Variants in SLC41A3 observed in about 807,000 individuals in gnomAD.
SLC41A3 encodes solute carrier family 41 member 3.
Under a neutral mutation model 45.4 loss-of-function variants are expected in SLC41A3, and 44 were observed. The observed-to-expected ratio is 0.97, with a 90% CI of 0.76 to 1.25. The LOEUF (loss-of-function observed/expected upper bound fraction) is 1.25, where lower values mean the gene tolerates loss of function less well. SLC41A3 is among the 50% of genes most tolerant of loss of function. The probability of loss-of-function intolerance (pLI) is 0.00; values close to 1 mark genes in which losing one functional copy is unlikely to be tolerated. For missense variants in SLC41A3, 550 were observed against 600.6 expected (o/e 0.92, Z 0.88); for synonymous variants, 256 against 252.4 (o/e 1.01, Z -0.13).
At chr3:126,023,512 C>G (rs67575510) in intron 5 of SLC41A3, 26,463 of 153,240 alleles carry the variant, frequency 0.17, 2,423 homozygotes, top group Middle Eastern at 0.27. Flanking sequence ...ACATCTAAGA[C>G]TGCACTGCAT....
chr3:126,056,322 C>G, intron 2 of SLC41A3: 1 of 1,601,606 alleles, frequency 6.2e-7, no homozygotes, highest in Non-Finnish European at 8.5e-7. Flanking sequence ...GTCTGTGTGT[C>G]TCCCACCCCT....
intron 4 of SLC41A3, among the ~76,000 whole-genome samples, chr3:126,029,993 A>G (rs1941673722): frequency 6.9e-6 from 1 of 144,836 alleles, no homozygotes; most frequent in African/African-American, 2.5e-5. Context: ...GAAAAACTGG[A>G]TATCTAGGTT....
chr3:126,033,848 C>T (rs532750014), intron 3 of SLC41A3, among the ~76,000 whole-genome samples, 170 bp from the exon 4 acceptor site: 3 of 152,034 alleles, frequency 2.0e-5, no homozygotes, highest in East Asian at 3.9e-4. Flanking sequence ...CCTTCTTATA[C>T]GGGGAGTGGG....
At chr3:126,086,423 T>G (rs1398944335), upstream of SLC41A3, among the ~76,000 whole-genome samples, 16 of 146,268 alleles carry the variant, frequency 1.1e-4, no homozygotes, top group Admixed American at 2.0e-4. Flanking sequence ...TTTTTTTTTT[T>G]TTTTTTTTTT....
At chr3:126,050,794 C>A (rs1943276383) in intron 3 of SLC41A3, 149 bp downstream of exon 3, 16 of 1,339,874 alleles carry the variant, frequency 1.2e-5, no homozygotes, top group Non-Finnish European at 1.5e-5. Flanking sequence ...GGGAGAGGGA[C>A]AAGGGACAGC....
intron 1 of SLC41A3, among the ~76,000 whole-genome samples, chr3:126,075,656 G>A (rs946500673): frequency 6.6e-6 from 1 of 152,182 alleles, no homozygotes; most frequent in Admixed American, 6.5e-5. Flanking sequence ...GAACAGAACT[G>A]AGAGTCTATA....
intron 4 of SLC41A3, among the ~76,000 whole-genome samples, chr3:126,028,020 C>T (rs541651819): frequency 6.6e-6 from 1 of 152,268 alleles, no homozygotes; most frequent in East Asian, 1.9e-4. Context: ...TGATGCAAAA[C>T]TGGAACTTAT....
At chr3:126,047,918 T>C (rs1322164472) in intron 3 of SLC41A3, among the ~76,000 whole-genome samples, 1 of 152,154 alleles carries the variant, frequency 6.6e-6, no homozygotes, top group African/African-American at 2.4e-5. Flanking sequence ...CTTCTGTGCA[T>C]TAAAGGACAT....
At chr3:126,024,708 T>C (rs944075983) in intron 5 of SLC41A3, 1 of 152,244 alleles carries the variant, frequency 6.6e-6, no homozygotes, top group Non-Finnish European at 1.5e-5. Flanking sequence ...GGTTCAATTA[T>C]GAAGTTATCA....
intron 4 of SLC41A3, among the ~76,000 whole-genome samples, chr3:126,031,018 C>T (rs9814576): frequency 0.054 from 8,284 of 152,056 alleles, 709 homozygotes; most frequent in African/African-American, 0.18. Flanking sequence ...CTGCCATGCT[C>T]GAAGTAATTT....
chr3:126,051,417 C>T (rs572993478), intron 2 of SLC41A3, among the ~76,000 whole-genome samples: 29 of 149,444 alleles, frequency 1.9e-4, no homozygotes, highest in African/African-American at 4.9e-4. Context: ...ACCCACAAGA[C>T]GGCCAGGCTG....
chr3:126,074,613 A>G (rs1944788120), intron 1 of SLC41A3, among the ~76,000 whole-genome samples: 1 of 152,072 alleles, frequency 6.6e-6, no homozygotes, highest in African/African-American at 2.4e-5. Flanking sequence ...TGGAGGACGC[A>G]GGTCAATACA....
intron 2 of SLC41A3, 128 bp downstream of exon 2, chr3:126,067,819 G>GAA (rs36125006): frequency 5.1e-3 from 5,442 of 1,070,224 alleles, no homozygotes; most frequent in Non-Finnish European, 5.6e-3. Context: ...CCAATATATA[G>GAA]AAAAAAAAAA....
chr3:126,092,267 C>A (rs774234665), intron 1 of SLC41A3, among the ~76,000 whole-genome samples: 1 of 152,226 alleles, frequency 6.6e-6, no homozygotes, highest in Non-Finnish European at 1.5e-5. Context: ...GGTGGAAAAC[C>A]ATTTAAAGGC....
chr3:126,048,184 G>A (rs1466557571), intron 3 of SLC41A3, among the ~76,000 whole-genome samples: 4 of 152,152 alleles, frequency 2.6e-5, no homozygotes, highest in Admixed American at 2.6e-4. Context: ...CTAAAAGAAA[G>A]AGAATTGATA....
chr3:126,031,911 G>A (rs1941822848), intron 4 of SLC41A3, among the ~76,000 whole-genome samples: 1 of 152,218 alleles, frequency 6.6e-6, no homozygotes, highest in Non-Finnish European at 1.5e-5. Context: ...GTAAGACTCA[G>A]CTTAGCTGTG....
intron 1 of SLC41A3, among the ~76,000 whole-genome samples, chr3:126,095,731 C>T (rs1351056138): frequency 6.6e-6 from 1 of 152,194 alleles, no homozygotes; most frequent in Non-Finnish European, 1.5e-5. Flanking sequence ...GATTGCATTG[C>T]AGAACAGGCA....
Position 126,026,299 on chromosome 3 carries a change from G to T in SLC41A3, c.598+36C>A. On this transcript the variant is annotated intron_variant, in intron 5 of 10. Coordinates refer to ENST00000360370, the MANE Select transcript of SLC41A3 (RefSeq NM_017836.4). This position sits in a 1 kb window ranked among gnomAD's most constrained non-coding sequence, Gnocchi z 4.2. ...TGAGGTGGGACCTCAGAGGAGCAGG[G>T]AGCGGGTGGGGGCTCACAGCTGGGG... 9 of 1,551,760 alleles carry T rather than the reference G, an allele frequency of 5.8e-6. No homozygotes were observed. The highest frequency in any genetic ancestry group is 7.8e-6 in the Non-Finnish European group (9 of 1,146,872).
intron 3 of SLC41A3, among the ~76,000 whole-genome samples, chr3:126,044,836 C>G (rs1438065216): frequency 7.4e-6 from 1 of 135,366 alleles, no homozygotes; most frequent in Non-Finnish European, 1.5e-5. Flanking sequence ...GCGGAGCTTG[C>G]AGTGAGCCAA....
Sources: gnomAD v4.1 joint callset for allele counts (sites outside exome capture counted in the v4.1 genomes callset) on GRCh38, gnomAD v4.1.1 for gene constraint, Gnocchi (gnomAD v3.1) non-coding constraint, MANE v1.5 for transcripts, NCBI Gene and HGNC (gene_info 2026-07-23, HGNC 2026-07-21) for gene names.